The following PPP1R16B variants were observed in gnomAD, a reference collection of about 807,000 sequenced individuals.
The protein encoded by PPP1R16B is protein phosphatase 1 regulatory inhibitor subunit 16B.
A neutral mutation model predicts 61.7 loss-of-function variants in PPP1R16B; 14 were observed. The ratio of observed to expected loss-of-function variants is 0.23; its 90% CI spans 0.15 to 0.35. PPP1R16B has a LOEUF of 0.35. Among genes scored for constraint, PPP1R16B ranks in the 10% least tolerant of loss-of-function variants. The pLI, the probability that PPP1R16B is intolerant of heterozygous loss-of-function variation, is 1.00. For synonymous variants in PPP1R16B, 266 were observed against 305.3 expected, an observed-to-expected ratio of 0.87 and a Z score of 1.34; for missense variants, 547 against 752.5, an observed-to-expected ratio of 0.73 and a Z score of 3.19.
chr20:38,888,298 C>T (rs140077737), intron 2 of PPP1R16B, among the ~76,000 whole-genome samples: 8 of 152,296 alleles, frequency 5.3e-5, no homozygotes, highest in Non-Finnish European at 8.8e-5. Context: ...TGGGCCTGCA[C>T]GCCTGGCTTC....
intron 6 of PPP1R16B, among the ~76,000 whole-genome samples, chr20:38,904,873 G>A (rs1286357780): frequency 6.6e-6 from 1 of 152,150 alleles, no homozygotes; most frequent in East Asian, 1.9e-4. Flanking sequence ...TCTTGGCTGG[G>A]CAGTTGATGT....
intron 1 of PPP1R16B, among the ~76,000 whole-genome samples, chr20:38,835,401 A>C (rs1421954155): frequency 6.6e-6 from 1 of 152,200 alleles, no homozygotes; most frequent in Non-Finnish European, 1.5e-5. Context: ...GGGTGACTCT[A>C]TACAAGAAAA....
rs2084662358 is a variant in PPP1R16B at position 38,806,481 on chromosome 20, G to A, written c.-102+689G>A. ...GCCGGCGGCTGGGTCCCCCGCGCCA[G>A]GAGCGCTCCCCTCTGGGCGACTCCG... On this transcript the variant is annotated intron_variant, in intron 1 of 10. Coordinates refer to ENST00000299824, the MANE Select transcript of PPP1R16B (RefSeq NM_015568.4). This position sits in a 1 kb window ranked among gnomAD's most constrained non-coding sequence, Gnocchi z 4.5. 6.6e-6 allele frequency among the ~76,000 whole-genome samples: 1 copy of A among 152,112 alleles called. No individual in the cohort carries two copies. Among genetic ancestry groups the A allele is most frequent in the Admixed American group, 6.5e-5 (1 of 15,290 alleles).
intron 1 of PPP1R16B, among the ~76,000 whole-genome samples, chr20:38,807,471 C>T (rs1014532873): frequency 2.0e-5 from 3 of 152,126 alleles, no homozygotes; most frequent in African/African-American, 7.2e-5. Flanking sequence ...AGAAGTGGAG[C>T]CCTGGTGGGT....
chr20:38,906,485 G>A (rs554849589), intron 7 of PPP1R16B, among the ~76,000 whole-genome samples: 3 of 152,028 alleles, frequency 2.0e-5, no homozygotes, highest in East Asian at 3.9e-4. Flanking sequence ...AGTAGAGACA[G>A]GGTTTCACCA....
chr20:38,894,427 C>T (rs973531735), intron 3 of PPP1R16B, among the ~76,000 whole-genome samples: 1 of 152,238 alleles, frequency 6.6e-6, no homozygotes, highest in Non-Finnish European at 1.5e-5. Flanking sequence ...CAACACAGCT[C>T]CTCACTGTCC....
chr20:38,868,477 T>C (rs2085104859), intron 2 of PPP1R16B, among the ~76,000 whole-genome samples: 1 of 151,880 alleles, frequency 6.6e-6, no homozygotes, highest in African/African-American at 2.4e-5. Flanking sequence ...CTCTGTCTCC[T>C]GGGTTCAAGT....
chr20:38,901,249 C>G (rs1601304142), intron 5 of PPP1R16B, among the ~76,000 whole-genome samples: 1 of 152,322 alleles, frequency 6.6e-6, no homozygotes, highest in African/African-American at 2.4e-5. Flanking sequence ...TCAGCTGCAG[C>G]TGCAGTCCTG....
intron 2 of PPP1R16B, among the ~76,000 whole-genome samples, chr20:38,863,304 T>C (rs1337739149): frequency 6.6e-6 from 1 of 152,226 alleles, no homozygotes; most frequent in Non-Finnish European, 1.5e-5. Flanking sequence ...CTTCCCCTCC[T>C]GTCTGTGAAG....
At chr20:38,832,025 C>T (rs78422304) in intron 1 of PPP1R16B, among the ~76,000 whole-genome samples, 2,466 of 152,310 alleles carry the variant, frequency 0.016, 70 homozygotes, top group African/African-American at 0.056. Context: ...CCTCTCAGCT[C>T]GTGTCTGCTC....
chr20:38,819,964 C>G (rs1459048284), intron 1 of PPP1R16B, among the ~76,000 whole-genome samples: 1 of 152,096 alleles, frequency 6.6e-6, no homozygotes, highest in African/African-American at 2.4e-5. Flanking sequence ...CCAGTCACTC[C>G]CTACACCCTG....
chr20:38,898,182 C>G (rs570513569), intron 4 of PPP1R16B, among the ~76,000 whole-genome samples: 2 of 152,152 alleles, frequency 1.3e-5, no homozygotes, highest in Non-Finnish European at 2.9e-5. Context: ...GGGTAAGGAT[C>G]TAACTTCATT....
chr20:38,811,917 G>A (rs568602619), intron 1 of PPP1R16B, among the ~76,000 whole-genome samples: 3 of 152,326 alleles, frequency 2.0e-5, no homozygotes, highest in Non-Finnish European at 4.4e-5. Context: ...CCGTGACTGT[G>A]TCCAATTCAT....
intron 2 of PPP1R16B, among the ~76,000 whole-genome samples, chr20:38,838,850 T>C (rs927313338): frequency 6.6e-6 from 1 of 151,968 alleles, no homozygotes; most frequent in African/African-American, 2.4e-5. Context: ...GGGCTGGGAG[T>C]GGAGGGATCA....
intron 3 of PPP1R16B, among the ~76,000 whole-genome samples, chr20:38,894,941 G>A (rs1020807968): frequency 2.6e-5 from 4 of 152,202 alleles, no homozygotes; most frequent in Non-Finnish European, 5.9e-5. Flanking sequence ...CTGTCTCCTC[G>A]CAGGGACTAT....
At chr20:38,880,784 A>C (rs779736347) in intron 2 of PPP1R16B, among the ~76,000 whole-genome samples, 3 of 152,240 alleles carry the variant, frequency 2.0e-5, no homozygotes, top group Non-Finnish European at 2.9e-5. Context: ...ATTCATATGC[A>C]AAGTTCTGTG....
chr20:38,844,616 A>G (rs2084926421), intron 2 of PPP1R16B, among the ~76,000 whole-genome samples: 1 of 152,236 alleles, frequency 6.6e-6, no homozygotes, highest in African/African-American at 2.4e-5. Context: ...GGTTTCATAA[A>G]ATTAATACAT....
intron 1 of PPP1R16B, among the ~76,000 whole-genome samples, chr20:38,812,915 A>T (rs890311124): frequency 5.9e-5 from 9 of 152,194 alleles, no homozygotes; most frequent in Non-Finnish European, 1.2e-4. Context: ...TTCCTGCTAA[A>T]ATGCAGAAAC....
At chr20:38,870,413 C>T (rs1252775904) in intron 2 of PPP1R16B, among the ~76,000 whole-genome samples, 1 of 152,084 alleles carries the variant, frequency 6.6e-6, no homozygotes, top group Non-Finnish European at 1.5e-5. Context: ...AAGCAAGGTG[C>T]TTTGATAGGG....
Sources: allele counts gnomAD v4.1 joint callset (sites outside exome capture counted in the v4.1 genomes callset), GRCh38; gene constraint gnomAD v4.1.1; non-coding constraint Gnocchi (gnomAD v3.1); transcripts MANE v1.5; gene names NCBI Gene and HGNC (gene_info 2026-07-23, HGNC 2026-07-21).